Variants in HAT1 observed in about 807,000 individuals in gnomAD.
HAT1 encodes the protein histone acetyltransferase 1.
A neutral mutation model predicts 56.6 loss-of-function variants in HAT1; 20 were observed. The ratio of observed to expected loss-of-function variants is 0.35; its 90% confidence interval spans 0.25 to 0.51. The LOEUF (loss-of-function observed/expected upper bound fraction) is 0.51. HAT1 is among the 20% of genes least tolerant of loss of function. The pLI is 0.95. For synonymous variants in HAT1, 146 were observed against 165.5 expected (o/e 0.88, Z 0.91); for missense variants, 408 against 504.3 (o/e 0.81, Z 1.83).
intron 3 of HAT1, among the ~76,000 whole-genome samples, chr2:171,949,449 GGGAGGTTTGCCTGAGCCA>G (rs1687250378): frequency 6.6e-6 from 1 of 152,048 alleles, no homozygotes; most frequent in Admixed American, 6.6e-5. Flanking sequence ...AGGCCGAGGC[GGGAGGTTTGCCTGAGCCA>G]GGAGTTTGCG....
At chr2:171,949,963 A>G (rs1687263882) in intron 3 of HAT1, among the ~76,000 whole-genome samples, 1 of 152,168 alleles carries the variant, frequency 6.6e-6, no homozygotes, top group African/African-American at 2.4e-5. Flanking sequence ...TTTCTCACAC[A>G]ACAAGATGTT....
intron 2 of HAT1, among the ~76,000 whole-genome samples, chr2:171,942,958 A>G (rs1317460046): frequency 6.6e-6 from 1 of 152,102 alleles, no homozygotes; most frequent in South Asian, 2.1e-4. Flanking sequence ...GTCATATAAT[A>G]TACATATTAG....
rs1688073382 is a variant in HAT1, at chr2:171,979,332, A to C, written c.1061A>C (p.Asp354Ala). The change falls in exon 10 of 11, where the codon GAT (aspartate) becomes GCT (alanine). Residue 354 changes from aspartate (D) to alanine (A), a missense_variant. Physicochemically the swap from Asp to Ala is moderately radical, Grantham distance 126 (BLOSUM62 -2). Coordinates refer to ENST00000264108, the MANE Select transcript of HAT1 (RefSeq NM_003642.4). ...GAACAATACAGAAGCTACAGACTGGATATTAAAAGAAGACTAATTAGCCCA... is the reference window on the plus strand; with the variant it reads ...GAACAATACAGAAGCTACAGACTGGCTATTAAAAGAAGACTAATTAGCCCA... Reference protein sequence around the residue: ...DAEQYRSYRLDIKRRLISPYK... With the variant: ...DAEQYRSYRLAIKRRLISPYK... The C allele has an allele frequency of 6.3e-7, 1 of 1,590,216 alleles. No homozygotes were observed. Among genetic ancestry groups the C allele is most frequent in the Non-Finnish European group, 8.6e-7 (1 of 1,158,308 alleles).
chr2:171,924,522 CAGG>C (rs1196791630), intron 1 of HAT1: 3 of 152,078 alleles, frequency 2.0e-5, no homozygotes, highest in African/African-American at 7.2e-5. Flanking sequence ...CCCATTTTGT[CAGG>C]AGATTTGTTA....
chr2:171,977,547 ATATATATATATTTTTTT>A (rs1158825978), intron 9 of HAT1, among the ~76,000 whole-genome samples: 2 of 14,338 alleles, frequency 1.4e-4, no homozygotes, highest in African/African-American at 6.4e-4. Context: ...ATATATATAT[ATATATATATATTTTTTT>A]TTTTTTTTTT....
chr2:171,938,804 A>G (rs1040326534), intron 2 of HAT1, among the ~76,000 whole-genome samples: 4 of 151,974 alleles, frequency 2.6e-5, no homozygotes, highest in African/African-American at 9.7e-5. Context: ...GCAGTGGTGC[A>G]GTCTCAGCTC....
chr2:171,960,514 G>A (rs1158568474), intron 4 of HAT1, among the ~76,000 whole-genome samples: 1 of 152,174 alleles, frequency 6.6e-6, no homozygotes, highest in Non-Finnish European at 1.5e-5. Flanking sequence ...TTAGGATTAT[G>A]TCATTACATT....
At chr2:171,968,451 C>A (rs959545356) in intron 8 of HAT1, among the ~76,000 whole-genome samples, 1 of 152,138 alleles carries the variant, frequency 6.6e-6, no homozygotes, top group East Asian at 1.9e-4. Flanking sequence ...TAACCACTTT[C>A]TTCTGTCTAC....
intron 4 of HAT1, among the ~76,000 whole-genome samples, chr2:171,962,679 C>T (rs1687602128): frequency 6.6e-6 from 1 of 152,174 alleles, no homozygotes; most frequent in Non-Finnish European, 1.5e-5. Flanking sequence ...TAGGTGTGAG[C>T]CACCATGCCC....
chr2:171,940,216 G>A (rs1175664224), intron 2 of HAT1, among the ~76,000 whole-genome samples: 1 of 152,164 alleles, frequency 6.6e-6, no homozygotes, highest in East Asian at 1.9e-4. Context: ...CTGCAGTGTG[G>A]TATTGGTTGG....
At chr2:171,938,778 T>C (rs964189039) in intron 2 of HAT1, among the ~76,000 whole-genome samples, 1 of 152,136 alleles carries the variant, frequency 6.6e-6, no homozygotes, top group African/African-American at 2.4e-5. Flanking sequence ...TCTTGCTCTA[T>C]TGTCCACACT....
At chr2:171,947,746 G>A (rs1391955030) in intron 3 of HAT1, among the ~76,000 whole-genome samples, 3 of 152,098 alleles carry the variant, frequency 2.0e-5, no homozygotes, top group Non-Finnish European at 1.5e-5. Context: ...AGGTGTAGTG[G>A]CACACGCCTG....
At chr2:171,965,995 A>C (rs1197754604) in intron 6 of HAT1, 87 bp downstream of exon 6, 1 of 1,158,716 alleles carries the variant, frequency 8.6e-7, no homozygotes. Context: ...TTGGGACAGT[A>C]TAATGATATT....
intron 2 of HAT1, among the ~76,000 whole-genome samples, chr2:171,934,338 A>G (rs1159715945): frequency 2.0e-5 from 3 of 152,178 alleles, no homozygotes; most frequent in Admixed American, 6.6e-5. Context: ...ATCCTTGACA[A>G]TGTAAGAGGG....
At chr2:171,971,431 C>T (rs936576670) in intron 8 of HAT1, among the ~76,000 whole-genome samples, 2 of 152,168 alleles carry the variant, frequency 1.3e-5, no homozygotes, top group Non-Finnish European at 2.9e-5. Context: ...CTACACCCGA[C>T]GTCCATTGAG....
At chr2:171,954,131 T>C (rs1687383812) in intron 4 of HAT1, among the ~76,000 whole-genome samples, 1 of 152,262 alleles carries the variant, frequency 6.6e-6, no homozygotes, top group African/African-American at 2.4e-5. Flanking sequence ...TAAAAATCTT[T>C]GCCTTTGTGA....
rs1434309742 is a variant in HAT1, at chr2:171,940,478, G to A, written c.113-6230G>A. Among the ~76,000 whole-genome samples, 5 of 152,276 alleles carry A rather than the reference G, an allele frequency of 3.3e-5. No homozygotes were observed. In the South Asian group the frequency reaches 6.2e-4, roughly 19 times the overall value. The stretch of plus-strand genomic sequence containing the variant: ...ATTCGAGCCTCTCCTAAAAGTTCAC[G>A]ACAAATGTCCTTAGCAGCAGGCAGG... On this transcript the variant is annotated intron_variant, in intron 2 of 10. Transcript: ENST00000264108.
intron 3 of HAT1, among the ~76,000 whole-genome samples, chr2:171,952,668 T>TA (rs1248092830): frequency 6.6e-6 from 1 of 152,248 alleles, no homozygotes; most frequent in African/African-American, 2.4e-5. Flanking sequence ...TATTAACTTA[T>TA]TTAACCCAAA....
intron 2 of HAT1, among the ~76,000 whole-genome samples, chr2:171,929,217 C>G (rs1376080596): frequency 6.6e-6 from 1 of 152,082 alleles, no homozygotes; most frequent in Non-Finnish European, 1.5e-5. Context: ...TCCCTCATAA[C>G]TAATGCTATT....
Sources: gnomAD v4.1 joint callset for allele counts (sites outside exome capture counted in the v4.1 genomes callset) on GRCh38, gnomAD v4.1.1 for gene constraint, MANE v1.5 for transcripts, NCBI Gene and HGNC (gene_info 2026-07-23, HGNC 2026-07-21) for gene names.